PSMD1: variants seen among roughly 807,000 people sequenced by gnomAD.
The protein encoded by PSMD1 is proteasome 26S subunit, non-ATPase 1.
PSMD1 carries 18 observed loss-of-function variants against 119.0 expected under a neutral mutation model. That is an observed-to-expected ratio of 0.15 (90% CI 0.10 to 0.22). PSMD1 has a LOEUF of 0.22. Among genes scored for constraint, PSMD1 ranks in the 10% least tolerant of loss-of-function variants. The pLI, the probability that PSMD1 is intolerant of heterozygous loss-of-function variation, is 1.00. For synonymous variants in PSMD1, 374 were observed against 396.6 expected, an observed-to-expected ratio of 0.94 and a Z score of 0.68; for missense variants, 702 against 1,158.5, an observed-to-expected ratio of 0.61 and a Z score of 5.72.
At position 231,076,105 on chromosome 2, in the gene PSMD1, A is replaced by T. The variant is rs1694157224; in HGVS notation, c.942+534A>T. On this transcript the variant is annotated intron_variant, in intron 8 of 24. Coordinates refer to ENST00000308696, the MANE Select transcript of PSMD1 (RefSeq NM_002807.4). ...CATTTAGAAGAAATCAAATCCTTAG[A>T]TCCTTACTTCAGGCAGAAGTTATTT... Among the ~76,000 whole-genome samples, 3 of 152,210 alleles carry T rather than the reference A, an allele frequency of 2.0e-5. No individual in the cohort carries two copies. In the South Asian group the frequency reaches 6.2e-4, roughly 31 times the overall value.
chr2:231,160,608 C>G (rs112353507), intron 19 of PSMD1, among the ~76,000 whole-genome samples: 1 of 152,154 alleles, frequency 6.6e-6, no homozygotes, highest in Non-Finnish European at 1.5e-5. Context: ...ATGCTTGCCT[C>G]TGCTATGGTG....
chr2:231,101,734 CAGG>C (rs975824027), intron 16 of PSMD1, among the ~76,000 whole-genome samples: 3 of 152,338 alleles, frequency 2.0e-5, no homozygotes, highest in Middle Eastern at 3.4e-3. Flanking sequence ...CCACCAACAT[CAGG>C]AGAAGACATT....
intron 19 of PSMD1, among the ~76,000 whole-genome samples, chr2:231,158,401 C>T (rs1288062241): frequency 6.6e-6 from 1 of 152,166 alleles, no homozygotes; most frequent in Admixed American, 6.5e-5. Context: ...TATGAGAACT[C>T]ACTCAGTGAT....
Position 231,087,070 on chromosome 2 carries a change from A to AGTG in PSMD1, c.1819-44_1819-42dup, listed in dbSNP as rs1340754748. ...CTGACCTCTCATGTCAGTTTGGTCT[A>AGTG]GTGGTAGACTACATAGTATAATATA... On this transcript the variant is annotated intron_variant, in intron 15 of 24. Coordinates refer to ENST00000308696, the MANE Select transcript of PSMD1 (RefSeq NM_002807.4). 19 of 1,522,110 alleles carry AGTG rather than the reference A, an allele frequency of 1.2e-5. 1 individual carries two copies. The highest frequency in any genetic ancestry group is 1.6e-5 in the Non-Finnish European group (18 of 1,097,930). 94.3% of individuals were successfully genotyped at this position (1,522,110 alleles called of 1,614,324 possible).
intron 17 of PSMD1, among the ~76,000 whole-genome samples, chr2:231,144,418 A>ATTTTTTTTTTTTTTTTTTT (rs751682132): frequency 1.3e-5 from 1 of 75,194 alleles, no homozygotes; most frequent in Non-Finnish European, 2.4e-5. Flanking sequence ...CGCCCAGCTA[A>ATTTTTTTTTTTTTTTTTTT]TTTTTTTTTT....
chr2:231,117,621 T>C (rs1695389273), intron 16 of PSMD1, among the ~76,000 whole-genome samples: 1 of 152,122 alleles, frequency 6.6e-6, no homozygotes, highest in South Asian at 2.1e-4. Flanking sequence ...AAGACTGCTT[T>C]AAATTCTGCC....
At chr2:231,127,404 G>T (rs1695752323) in intron 16 of PSMD1, among the ~76,000 whole-genome samples, 1 of 152,012 alleles carries the variant, frequency 6.6e-6, no homozygotes, top group Middle Eastern at 3.2e-3. Context: ...ACCCAGGCTG[G>T]AGTGCAGTGG....
intron 20 of PSMD1, chr2:231,163,314 T>C: frequency 4.5e-6 from 1 of 222,976 alleles, no homozygotes; most frequent in Non-Finnish European, 8.9e-6. Context: ...GACCATCAAA[T>C]GCTTTACAAA....
chr2:231,090,828 G>A (rs779834154), intron 16 of PSMD1, among the ~76,000 whole-genome samples: 2 of 152,180 alleles, frequency 1.3e-5, no homozygotes, highest in Non-Finnish European at 2.9e-5. Flanking sequence ...AAGAGAACTA[G>A]AACTAGAAAT....
chr2:231,084,174 C>T (rs536518036), intron 14 of PSMD1, among the ~76,000 whole-genome samples: 1 of 151,988 alleles, frequency 6.6e-6, no homozygotes, highest in East Asian at 1.9e-4. Context: ...CATGGTGAAA[C>T]CCTGTCTCTG....
At chr2:231,119,949 A>G (rs1398613515) in intron 16 of PSMD1, among the ~76,000 whole-genome samples, 2 of 147,426 alleles carry the variant, frequency 1.4e-5, no homozygotes, top group Non-Finnish European at 3.0e-5. Context: ...TTCCCGTGTT[A>G]CTTTTTTTTT....
chr2:231,110,180 C>CT (rs1482035787), intron 16 of PSMD1, among the ~76,000 whole-genome samples: 4 of 152,002 alleles, frequency 2.6e-5, no homozygotes, highest in African/African-American at 9.7e-5. Flanking sequence ...ATTAGCCAGG[C>CT]ATGGTGGCAC....
chr2:231,128,212 C>G (rs1695771050), intron 16 of PSMD1, among the ~76,000 whole-genome samples: 1 of 152,180 alleles, frequency 6.6e-6, no homozygotes, highest in Admixed American at 6.5e-5. Flanking sequence ...TTACTAAGTG[C>G]CATATGCTCA....
intron 16 of PSMD1, among the ~76,000 whole-genome samples, chr2:231,091,628 C>T (rs1694595989): frequency 6.6e-6 from 1 of 152,172 alleles, no homozygotes; most frequent in South Asian, 2.1e-4. Context: ...CAGTAACATT[C>T]TTTTCCAACA....
At chr2:231,131,168 G>C (rs1319219273) in intron 16 of PSMD1, among the ~76,000 whole-genome samples, 1 of 152,018 alleles carries the variant, frequency 6.6e-6, no homozygotes, top group Non-Finnish European at 1.5e-5. Context: ...TGTGTTGTTT[G>C]GTCCTTCACA....
chr2:231,166,373 T>C (rs2125271907), intron 23 of PSMD1, among the ~76,000 whole-genome samples: 1 of 152,304 alleles, frequency 6.6e-6, no homozygotes, highest in East Asian at 1.9e-4. Flanking sequence ...AATCTCTCTC[T>C]GCCTCAGTTT....
chr2:231,172,039 G>A (rs1468491924), intron 24 of PSMD1, among the ~76,000 whole-genome samples: 1 of 152,140 alleles, frequency 6.6e-6, no homozygotes, highest in Non-Finnish European at 1.5e-5. Context: ...TATACCTCAG[G>A]AAGACTATTA....
At position 231,066,885 on chromosome 2, in the gene PSMD1, GTTATT is replaced by G; in HGVS notation, c.305-14_305-10del. The G allele has an allele frequency of 3.2e-6, 5 of 1,552,436 alleles. No individual in the cohort carries two copies. Among genetic ancestry groups the G allele is most frequent in the Non-Finnish European group, 4.3e-6 (5 of 1,152,174 alleles). On this transcript the variant is annotated splice_polypyrimidine_tract_variant and intron_variant, in intron 4 of 24. Coordinates refer to ENST00000308696, the MANE Select transcript of PSMD1 (RefSeq NM_002807.4). Reference sequence around the variant, plus strand: ...TTTAGCCCAATTTACAAGATAATCAGTTATTTTATTTCCTCAACAGCAAAATGCAT... The same window carrying G: ...TTTAGCCCAATTTACAAGATAATCAGTTATTTCCTCAACAGCAAAATGCAT...
intron 16 of PSMD1, among the ~76,000 whole-genome samples, chr2:231,088,545 G>A (rs1029857377): frequency 6.6e-6 from 1 of 152,012 alleles, no homozygotes; most frequent in African/African-American, 2.4e-5. Context: ...ATCTGTTATG[G>A]TAATCTGTCA....
Sources: gnomAD v4.1 joint callset for allele counts (sites outside exome capture counted in the v4.1 genomes callset) on GRCh38, gnomAD v4.1.1 for gene constraint, MANE v1.5 for transcripts, NCBI Gene and HGNC (gene_info 2026-07-23, HGNC 2026-07-21) for gene names.